The following QTMAN variants were observed in gnomAD, a reference collection of about 807,000 sequenced individuals.
QTMAN encodes the protein queuosine-tRNA mannosyltransferase.
the QTMAN span, among the ~76,000 whole-genome samples, chr2:144,079,760 CA>C: frequency 6.6e-6 from 1 of 151,950 alleles, no homozygotes; most frequent in African/African-American, 2.4e-5. Context: ...TGTTTTATGA[CA>C]AAATTGTTGA....
the QTMAN span, among the ~76,000 whole-genome samples, chr2:144,193,524 A>ATG: frequency 2.7e-5 from 4 of 147,254 alleles, no homozygotes; most frequent in East Asian, 2.0e-4. Flanking sequence ...GTGTGTGTGT[A>ATG]TGTGTGTGTG....
At chr2:144,330,675 TTTAA>T in the QTMAN span, among the ~76,000 whole-genome samples, 13 of 152,222 alleles carry the variant, frequency 8.5e-5, no homozygotes, top group Non-Finnish European at 1.5e-4. Flanking sequence ...AAAAATTTCA[TTTAA>T]TTACTTGGCT....
chr2:144,131,880 T>C, the QTMAN span, among the ~76,000 whole-genome samples: 1 of 151,810 alleles, frequency 6.6e-6, no homozygotes, highest in African/African-American at 2.4e-5. Flanking sequence ...TTCCAGGGGA[T>C]TGGTAAAGAT....
chr2:144,135,249 G>T, the QTMAN span, among the ~76,000 whole-genome samples: 9 of 152,140 alleles, frequency 5.9e-5, no homozygotes, highest in African/African-American at 2.2e-4. Context: ...CTTGTAGGGG[G>T]ACAGACGGAA....
chr2:144,179,513 G>C, the QTMAN span, among the ~76,000 whole-genome samples: 1 of 152,230 alleles, frequency 6.6e-6, no homozygotes, highest in Non-Finnish European at 1.5e-5. Context: ...ATACAATTAA[G>C]CCCAATGTTC....
chr2:144,305,666 C>A, the QTMAN span, among the ~76,000 whole-genome samples: 1 of 152,172 alleles, frequency 6.6e-6, no homozygotes, highest in Non-Finnish European at 1.5e-5. Flanking sequence ...TGCCTTGAAT[C>A]TGTAGATCAT....
the QTMAN span, among the ~76,000 whole-genome samples, chr2:144,120,359 T>C: frequency 6.6e-6 from 1 of 152,262 alleles, no homozygotes; most frequent in East Asian, 1.9e-4. Context: ...TGTATTACCC[T>C]TTACTCTAAA....
chr2:144,189,529 G>A, the QTMAN span, among the ~76,000 whole-genome samples: 1 of 152,076 alleles, frequency 6.6e-6, no homozygotes, highest in African/African-American at 2.4e-5. Context: ...TTCAGCTCTG[G>A]GCAATTGGTC....
At chr2:144,051,370 AC>A in the QTMAN span, among the ~76,000 whole-genome samples, 5 of 151,836 alleles carry the variant, frequency 3.3e-5, no homozygotes, top group African/African-American at 1.2e-4. Context: ...ATCTCTACAA[AC>A]ATTTTTTTTT....
the QTMAN span, among the ~76,000 whole-genome samples, chr2:143,992,562 AAAAT>A: frequency 6.6e-6 from 1 of 152,008 alleles, no homozygotes; most frequent in African/African-American, 2.4e-5. Flanking sequence ...AAATAAAAAT[AAAAT>A]AAATAACTTC....
the QTMAN span, among the ~76,000 whole-genome samples, chr2:143,994,685 A>C: frequency 6.6e-6 from 1 of 152,214 alleles, no homozygotes; most frequent in Non-Finnish European, 1.5e-5. Context: ...TATTCAGAAA[A>C]GGCAAATCTA....
chr2:144,089,014 T>C, the QTMAN span, among the ~76,000 whole-genome samples: 19 of 151,792 alleles, frequency 1.3e-4, no homozygotes, highest in African/African-American at 4.6e-4. Context: ...TATTCAACAG[T>C]GTGAAGAGAC....
chr2:144,211,934 G>A, the QTMAN span, among the ~76,000 whole-genome samples: 1 of 152,180 alleles, frequency 6.6e-6, no homozygotes, highest in East Asian at 1.9e-4. Context: ...ACTAGCAAAG[G>A]CTAATAAGGA....
the QTMAN span, among the ~76,000 whole-genome samples, chr2:144,004,894 A>G: frequency 6.6e-6 from 1 of 151,926 alleles, no homozygotes; most frequent in Non-Finnish European, 1.5e-5. Context: ...TCCCCACAAG[A>G]GTTTTTTGCC....
the QTMAN span, among the ~76,000 whole-genome samples, chr2:144,051,207 GGT>G: frequency 1.1e-4 from 17 of 149,894 alleles, no homozygotes; most frequent in South Asian, 4.2e-4. Flanking sequence ...TAGTTTTTGG[GGT>G]GTGTGTGTGT....
chr2:144,261,907 A>G, the QTMAN span, among the ~76,000 whole-genome samples: 1 of 152,030 alleles, frequency 6.6e-6, no homozygotes, highest in Admixed American at 6.6e-5. Flanking sequence ...AAGAATTCAG[A>G]GGGGAAAAAA....
At chr2:144,320,521 G>A in the QTMAN span, among the ~76,000 whole-genome samples, 1 of 152,136 alleles carries the variant, frequency 6.6e-6, no homozygotes, top group Middle Eastern at 3.2e-3. Flanking sequence ...CAATCCAAGG[G>A]GTTAATATTG....
the QTMAN span, among the ~76,000 whole-genome samples, chr2:144,076,025 G>A: frequency 6.6e-5 from 10 of 152,186 alleles, no homozygotes; most frequent in Non-Finnish European, 1.2e-4. Flanking sequence ...GAGGCGGGTG[G>A]ATCACGAGGT....
the QTMAN span, among the ~76,000 whole-genome samples, chr2:144,065,684 T>C: frequency 6.6e-6 from 1 of 152,108 alleles, no homozygotes; most frequent in Non-Finnish European, 1.5e-5. Context: ...GTCCTCCTAT[T>C]AAAGTTTCCT....
Sources: allele counts gnomAD v4.1 joint callset (sites outside exome capture counted in the v4.1 genomes callset), GRCh38; gene constraint gnomAD v4.1.1; transcripts MANE v1.5; gene names NCBI Gene and HGNC (gene_info 2026-07-23, HGNC 2026-07-21).